The following FNDC3A variants were observed in gnomAD, a reference collection of about 807,000 sequenced individuals.
The protein encoded by FNDC3A is fibronectin type III domain containing 3A.
In FNDC3A, 32 loss-of-function variants were observed where a neutral mutation model predicts 148.9. The observed-to-expected ratio is 0.21, with a 90% CI of 0.16 to 0.29. FNDC3A has a LOEUF of 0.29. Among genes scored for constraint, FNDC3A ranks in the 10% least tolerant of loss-of-function variants. The probability of loss-of-function intolerance (pLI) is 1.00; values close to 1 mark genes in which losing one functional copy is unlikely to be tolerated. For missense variants in FNDC3A, 1,191 were observed against 1,452.8 expected (o/e 0.82, Z 2.93); for synonymous variants, 472 against 473.6 (o/e 1.00, Z 0.04).
At chr13:49,061,191 C>T (rs886992783) in intron 2 of FNDC3A, among the ~76,000 whole-genome samples, 6 of 151,838 alleles carry the variant, frequency 4.0e-5, no homozygotes, top group East Asian at 2.0e-4. Flanking sequence ...CTCACTGCAG[C>T]CTCAAACTCC....
At chr13:49,168,467 C>T (rs1360903352) in intron 9 of FNDC3A, 146 bp from the exon 10 acceptor site, 5 of 482,068 alleles carry the variant, frequency 1.0e-5, no homozygotes, top group South Asian at 4.8e-5. Context: ...TTTTTTTTAA[C>T]GGTCACCTTT....
chr13:49,132,346 T>C (rs1479693407), intron 5 of FNDC3A, among the ~76,000 whole-genome samples: 1 of 152,204 alleles, frequency 6.6e-6, no homozygotes, highest in Non-Finnish European at 1.5e-5. Context: ...GATTTCCCAT[T>C]GCAATTAGAA....
At chr13:49,167,441 G>C (rs556307838) in intron 9 of FNDC3A, 138 bp downstream of exon 9, 2 of 564,742 alleles carry the variant, frequency 3.5e-6, no homozygotes, top group Non-Finnish European at 6.0e-6. Context: ...GCTGGGCGCA[G>C]TGCGCCCGTA....
At chr13:49,008,332 G>A (rs1304000094) in intron 2 of FNDC3A, among the ~76,000 whole-genome samples, 3 of 152,126 alleles carry the variant, frequency 2.0e-5, no homozygotes, top group African/African-American at 2.4e-5. Context: ...AAACTTGACA[G>A]CAGACATTTC....
At chr13:48,997,827 T>C (rs577353808) in intron 1 of FNDC3A, among the ~76,000 whole-genome samples, 30 of 151,620 alleles carry the variant, frequency 2.0e-4, no homozygotes, top group Non-Finnish European at 2.9e-5. Context: ...CTATAACAAG[T>C]ACCTAAAAAT....
chr13:48,992,469 A>G (rs77352426), intron 1 of FNDC3A, among the ~76,000 whole-genome samples: 5,219 of 152,274 alleles, frequency 0.034, 279 homozygotes, highest in African/African-American at 0.11. Context: ...TAGTAACTAA[A>G]TGGACAAAAT....
At chr13:48,992,411 T>G (rs1254206334) in intron 1 of FNDC3A, among the ~76,000 whole-genome samples, 3 of 152,174 alleles carry the variant, frequency 2.0e-5, no homozygotes, top group Non-Finnish European at 4.4e-5. Context: ...AGGACTGCTA[T>G]CTAGAATATA....
intron 1 of FNDC3A, among the ~76,000 whole-genome samples, chr13:48,986,188 G>A (rs1334361660): frequency 6.6e-6 from 1 of 152,010 alleles, no homozygotes; most frequent in East Asian, 1.9e-4. Flanking sequence ...TATTTTCAGA[G>A]TTTCTGTTAT....
chr13:49,095,034 A>ACTTT (rs1208584677), intron 3 of FNDC3A, among the ~76,000 whole-genome samples: 1 of 152,032 alleles, frequency 6.6e-6, no homozygotes, highest in African/African-American at 2.4e-5. Flanking sequence ...TCTTCTTTAT[A>ACTTT]CTTTACATAT....
intron 11 of FNDC3A, among the ~76,000 whole-genome samples, chr13:49,172,740 C>T (rs907351489): frequency 6.6e-6 from 1 of 152,082 alleles, no homozygotes; most frequent in Non-Finnish European, 1.5e-5. Context: ...GATTCTTAGT[C>T]ACATTGTACA....
chr13:49,181,384 T>C (rs1885294088), intron 14 of FNDC3A, among the ~76,000 whole-genome samples: 1 of 152,210 alleles, frequency 6.6e-6, no homozygotes, highest in Admixed American at 6.5e-5. Context: ...ATGTAAATTC[T>C]CTGGCCCTGC....
intron 11 of FNDC3A, among the ~76,000 whole-genome samples, chr13:49,173,228 G>GA (rs1884854969): frequency 6.6e-6 from 1 of 152,166 alleles, no homozygotes; most frequent in Admixed American, 6.5e-5. Flanking sequence ...GGGAGTGGAA[G>GA]AAATTCCATT....
At chr13:49,081,808 A>T (rs574029981) in intron 3 of FNDC3A, among the ~76,000 whole-genome samples, 1 of 152,206 alleles carries the variant, frequency 6.6e-6, no homozygotes, top group South Asian at 2.1e-4. Flanking sequence ...AGCACTGTTT[A>T]TTTTCTCAAG....
intron 3 of FNDC3A, among the ~76,000 whole-genome samples, chr13:49,087,204 A>C (rs1351592336): frequency 6.6e-6 from 1 of 152,180 alleles, no homozygotes; most frequent in Admixed American, 6.5e-5. Flanking sequence ...TAAAATAAGC[A>C]ACAAAAATAT....
At chr13:49,000,222 A>G (rs1952101298) in intron 1 of FNDC3A, among the ~76,000 whole-genome samples, 2 of 152,212 alleles carry the variant, frequency 1.3e-5, no homozygotes, top group Admixed American at 1.3e-4. Context: ...TGGTTCTTAC[A>G]TTTGGATCTT....
At chr13:49,023,269 C>T (rs1593484564) in intron 2 of FNDC3A, among the ~76,000 whole-genome samples, 1 of 151,930 alleles carries the variant, frequency 6.6e-6, no homozygotes, top group Middle Eastern at 3.4e-3. Context: ...ACCATTTCAT[C>T]TGTTCATTTT....
At chr13:49,179,079 A>G (rs1156360035) in intron 14 of FNDC3A, among the ~76,000 whole-genome samples, 1 of 152,166 alleles carries the variant, frequency 6.6e-6, no homozygotes, top group Non-Finnish European at 1.5e-5. Flanking sequence ...TTGGTTTTAG[A>G]TCTTAAATAA....
chr13:49,161,240 A>G (rs1884092961), intron 8 of FNDC3A, among the ~76,000 whole-genome samples: 1 of 152,064 alleles, frequency 6.6e-6, no homozygotes, highest in Non-Finnish European at 1.5e-5. Context: ...TCCCATTATT[A>G]ATGTGTGGGA....
At chr13:49,053,946 C>T (rs576012857) in intron 2 of FNDC3A, among the ~76,000 whole-genome samples, 2 of 152,266 alleles carry the variant, frequency 1.3e-5, no homozygotes, top group South Asian at 4.1e-4. Context: ...TTGGTTTCTT[C>T]CAGGGCTCTG....
Sources: allele counts gnomAD v4.1 joint callset (sites outside exome capture counted in the v4.1 genomes callset), GRCh38; gene constraint gnomAD v4.1.1; transcripts MANE v1.5; gene names NCBI Gene and HGNC (gene_info 2026-07-23, HGNC 2026-07-21).